The following CDC14B variants were observed in gnomAD, a reference collection of about 807,000 sequenced individuals.
The protein encoded by CDC14B is cell division cycle 14B.
CDC14B carries 22 observed loss-of-function variants against 64.2 expected under a neutral mutation model. The ratio of observed to expected loss-of-function variants is 0.34; its 90% confidence interval spans 0.24 to 0.49. CDC14B has a LOEUF of 0.49. CDC14B is among the 20% of genes least tolerant of loss of function. CDC14B has a pLI of 0.99. For missense variants in CDC14B, 498 were observed against 629.9 expected, an observed-to-expected ratio of 0.79 and a Z score of 2.24; for synonymous variants, 191 against 215.8, an observed-to-expected ratio of 0.89 and a Z score of 1.01.
downstream of CDC14B, among the ~76,000 whole-genome samples, chr9:96,499,721 G>A (rs2131200047): frequency 6.6e-6 from 1 of 152,334 alleles, no homozygotes; most frequent in African/African-American, 2.4e-5. Flanking sequence ...TGTGGACATG[G>A]GGACTTTAAC....
intron 5 of CDC14B, among the ~76,000 whole-genome samples, chr9:96,542,161 G>C (rs529559937): frequency 6.6e-6 from 1 of 151,426 alleles, no homozygotes; most frequent in South Asian, 2.1e-4. Flanking sequence ...ATTATTTTTG[G>C]CTTTAACAGC....
intron 1 of CDC14B, among the ~76,000 whole-genome samples, chr9:96,600,474 G>A (rs545056436): frequency 6.6e-6 from 1 of 151,662 alleles, no homozygotes; most frequent in South Asian, 2.1e-4. Context: ...GGAGATTAAT[G>A]GGATAAGGAG....
intron 1 of CDC14B, among the ~76,000 whole-genome samples, chr9:96,590,301 T>C (rs747137929): frequency 2.0e-5 from 3 of 152,214 alleles, no homozygotes; most frequent in Non-Finnish European, 4.4e-5. Context: ...TTCATCCATG[T>C]TGTAGTATAT....
At chr9:96,560,784 T>G (rs1472014186) in intron 4 of CDC14B, among the ~76,000 whole-genome samples, 1 of 149,510 alleles carries the variant, frequency 6.7e-6, no homozygotes, top group Non-Finnish European at 1.5e-5. Flanking sequence ...TTAAGGCTTT[T>G]GCTGCAAGTA....
intron 13 of CDC14B, 140 bp downstream of exon 13, chr9:96,509,533 G>A: frequency 1.4e-6 from 1 of 707,164 alleles, no homozygotes; most frequent in Non-Finnish European, 2.5e-6. Context: ...AATGAACAAG[G>A]AATACACATT....
Position 96,565,405 on chromosome 9 carries a change from A to C in CDC14B, c.239T>G (p.Leu80Arg). The C allele has an allele frequency of 6.3e-7, 1 of 1,595,146 alleles. No individual in the cohort carries two copies. Among genetic ancestry groups the C allele is most frequent in the Non-Finnish European group, 8.6e-7 (1 of 1,163,152 alleles). ...NVHYFSIDNE[L>R]EYENFYADFG... Reference sequence around the variant, plus strand: ...GAGCAATACTTACTTCTCATATTCAAGTTCATTATCTATGCTGAAATAATG... The same window carrying C: ...GAGCAATACTTACTTCTCATATTCACGTTCATTATCTATGCTGAAATAATG... Residue 80 changes from leucine to arginine, a missense_variant, in exon 2 of 14, where the codon CTT becomes CGT. Transcript: ENST00000375241.
At chr9:96,577,670 C>G (rs935708990) in intron 1 of CDC14B, among the ~76,000 whole-genome samples, 1 of 152,174 alleles carries the variant, frequency 6.6e-6, no homozygotes, top group African/African-American at 2.4e-5. Flanking sequence ...TCCCTCTATC[C>G]TGCAGCATTT....
chr9:96,496,384 C>T (rs773143448), downstream of CDC14B: 19 of 497,012 alleles, frequency 3.8e-5, 1 homozygote, highest in East Asian at 2.9e-4. Context: ...AGATGGACAG[C>T]GCTGTACTTA....
intron 12 of CDC14B, among the ~76,000 whole-genome samples, chr9:96,520,667 T>C (rs2131501841): frequency 6.6e-6 from 1 of 152,302 alleles, no homozygotes; most frequent in Non-Finnish European, 1.5e-5. Flanking sequence ...CATAAACTGA[T>C]GATGCTGATT....
chr9:96,505,516 T>C (rs1834004249), intron 13 of CDC14B, among the ~76,000 whole-genome samples: 1 of 152,188 alleles, frequency 6.6e-6, no homozygotes. Context: ...AGGCTCTCAC[T>C]CGGGGCATGA....
intron 1 of CDC14B, among the ~76,000 whole-genome samples, chr9:96,607,713 G>A (rs1479722156): frequency 2.0e-5 from 3 of 152,094 alleles, no homozygotes; most frequent in Non-Finnish European, 2.9e-5. Context: ...GTGAGCCACC[G>A]CGCCCGGCCA....
rs1833506884 is a variant in CDC14B, at chr9:96,500,872, G to T, written c.*2881C>A. 1 of 137,672 alleles carries T rather than the reference G, an allele frequency of 7.3e-6. No individual in the cohort carries two copies. Among genetic ancestry groups the T allele is most frequent in the Non-Finnish European group, 1.6e-5 (1 of 64,304 alleles). The allele number at this position is 137,672 out of a possible 1,614,324, so 8.5% of individuals were successfully genotyped here. ...GCCCTCAGGCCACACACAAGCCCAGGCCATCCCGCCCAGCCCAGCGAGCAC... is the reference window on the plus strand; with the variant it reads ...GCCCTCAGGCCACACACAAGCCCAGTCCATCCCGCCCAGCCCAGCGAGCAC... On this transcript the variant is annotated 3_prime_UTR_variant, in exon 14 of 14. Coordinates refer to ENST00000375241, the MANE Select transcript of CDC14B (RefSeq NM_033331.4).
chr9:96,545,489 T>A (rs1280540244), intron 5 of CDC14B, among the ~76,000 whole-genome samples: 2 of 152,124 alleles, frequency 1.3e-5, no homozygotes, highest in Non-Finnish European at 2.9e-5. Flanking sequence ...AGCTAATTTT[T>A]TTGTATTTTC....
chr9:96,567,361 G>C (rs1286239368), intron 1 of CDC14B: 2 of 152,524 alleles, frequency 1.3e-5, no homozygotes, highest in African/African-American at 4.8e-5. Flanking sequence ...CTGCAGCCGC[G>C]CCAGGCCCGG....
intron 5 of CDC14B, among the ~76,000 whole-genome samples, chr9:96,549,791 G>A (rs896492357): frequency 1.3e-5 from 2 of 152,216 alleles, no homozygotes; most frequent in African/African-American, 2.4e-5. Context: ...ATTACTGACT[G>A]ATGCTCCTGG....
chr9:96,523,596 A>C lies in CDC14B; in HGVS notation c.1076T>G (p.Phe359Cys), dbSNP rs1482593867. The change falls in exon 10 of 14, where the codon TTT becomes TGT. Residue 359 changes from phenylalanine to cysteine, a missense_variant. Transcript: ENST00000375241. ...GTAGGCTACTACTTACATCACCAAA[A>C]ACTGCTGCTGAGGCCCAATCACCGA... ...PGSVIGPQQQ[F>C]LVMKQTNLWL... 1 of 1,614,060 alleles carries C rather than the reference A, an allele frequency of 6.2e-7. No individual in the cohort carries two copies. Among genetic ancestry groups the C allele is most frequent in the Non-Finnish European group, 8.5e-7 (1 of 1,180,018 alleles).
chr9:96,504,288 G>GCA (rs1833833392), intron 13 of CDC14B, among the ~76,000 whole-genome samples: 2 of 151,934 alleles, frequency 1.3e-5, no homozygotes, highest in Admixed American at 1.3e-4. Context: ...AGCACAGGAG[G>GCA]CACCCCACGG....
At chr9:96,551,992 A>C in intron 4 of CDC14B, 120 bp from the exon 5 acceptor site, 1 of 1,283,836 alleles carries the variant, frequency 7.8e-7, no homozygotes, top group East Asian at 2.6e-5. Context: ...AGCCTTCCCC[A>C]GGAGCCTAGG....
At chr9:96,542,172 T>C (rs1018417902) in intron 5 of CDC14B, among the ~76,000 whole-genome samples, 2 of 151,524 alleles carry the variant, frequency 1.3e-5, no homozygotes, top group Non-Finnish European at 2.9e-5. Context: ...CTTTAACAGC[T>C]GAGCCACCTT....
Sources: allele counts gnomAD v4.1 joint callset (sites outside exome capture counted in the v4.1 genomes callset), GRCh38; gene constraint gnomAD v4.1.1; transcripts MANE v1.5; gene names NCBI Gene and HGNC (gene_info 2026-07-23, HGNC 2026-07-21).